MYBL1: variants seen among roughly 807,000 people sequenced by gnomAD.
MYBL1 encodes MYB proto-oncogene like 1.
MYBL1 carries 17 observed loss-of-function variants against 96.3 expected under a neutral mutation model. The observed-to-expected ratio is 0.18, with a 90% CI of 0.12 to 0.26. The LOEUF (loss-of-function observed/expected upper bound fraction) is 0.26, where lower values mean the gene tolerates loss of function less well. Ranked by LOEUF, MYBL1 falls within the 10% of genes least tolerant of loss-of-function variation. The pLI, the probability that MYBL1 is intolerant of heterozygous loss-of-function variation, is 1.00. For synonymous variants in MYBL1, 282 were observed against 292.7 expected, an observed-to-expected ratio of 0.96 and a Z score of 0.37; for missense variants, 701 against 882.9, an observed-to-expected ratio of 0.79 and a Z score of 2.61.
At chr8:66,572,408 CAA>C in intron 12 of MYBL1, 72 bp downstream of exon 12, 2 of 632,140 alleles carry the variant, frequency 3.2e-6, no homozygotes, top group South Asian at 5.8e-5. Context: ...TGTTAAAAAT[CAA>C]AGTGATAAAA....
At position 66,595,632 on chromosome 8, in the gene MYBL1, G is replaced by T. The variant is rs1433017008; in HGVS notation, c.638C>A (p.Ala213Glu). ...SSSKLQHKPCAAMDHMQTQNQ... is the reference protein window; with the variant it reads ...SSSKLQHKPCEAMDHMQTQNQ... ...CTGGGTTTGCATATGATCCATAGCT[G>T]CACAAGGTTTGTGTTGAAGTTTAGA... Residue 213 changes from alanine to glutamate, a missense_variant, in exon 6 of 16, where the codon GCA becomes GAA. This residue lies in a region of MYBL1 where 396 missense variants were observed against 407.4 expected (regional missense o/e 0.97). Coordinates refer to ENST00000522677, the MANE Select transcript of MYBL1 (RefSeq NM_001080416.4). 5 of 1,593,854 alleles carry T rather than the reference G, an allele frequency of 3.1e-6. No homozygotes were observed. The highest frequency in any genetic ancestry group is 4.3e-6 in the Non-Finnish European group (5 of 1,169,132).
chr8:66,572,440 TA>T, intron 12 of MYBL1, 41 bp downstream of exon 12: 2 of 996,850 alleles, frequency 2.0e-6, no homozygotes, highest in East Asian at 2.7e-5. Context: ...TGTGTTTTAT[TA>T]AAATTAGGAA....
chr8:66,597,863 A>AC (rs1165091532), intron 4 of MYBL1, among the ~76,000 whole-genome samples: 2 of 150,746 alleles, frequency 1.3e-5, no homozygotes, highest in Non-Finnish European at 3.0e-5. Flanking sequence ...AAAAAAAAAA[A>AC]AAAAAAAAAA....
At chr8:66,601,318 AAGC>A (rs1449515364) in intron 3 of MYBL1, among the ~76,000 whole-genome samples, 1 of 152,136 alleles carries the variant, frequency 6.6e-6, no homozygotes, top group Admixed American at 6.5e-5. Flanking sequence ...TTTAAAAGGT[AAGC>A]CTCAGATGAT....
At chr8:66,590,914 A>G (rs1809612769) in intron 8 of MYBL1, among the ~76,000 whole-genome samples, 1 of 152,202 alleles carries the variant, frequency 6.6e-6, no homozygotes, top group South Asian at 2.1e-4. Flanking sequence ...AAGCAGGGAT[A>G]TTCAATGTTC....
At chr8:66,585,998 C>T (rs1373602140) in intron 8 of MYBL1, among the ~76,000 whole-genome samples, 2 of 145,978 alleles carry the variant, frequency 1.4e-5, no homozygotes, top group South Asian at 4.3e-4. Context: ...AAATCAACAA[C>T]AAAAAATACT....
At chr8:66,594,072 G>A (rs1193793602) in intron 6 of MYBL1, among the ~76,000 whole-genome samples, 1 of 151,930 alleles carries the variant, frequency 6.6e-6, no homozygotes, top group Non-Finnish European at 1.5e-5. Flanking sequence ...GAAGGTTGAG[G>A]CTGCAGCGAG....
intron 11 of MYBL1, 126 bp downstream of exon 11, chr8:66,573,237 CA>C: frequency 4.1e-5 from 40 of 977,918 alleles, no homozygotes; most frequent in Middle Eastern, 3.6e-4. Context: ...CAAAACAAAA[CA>C]AAAAAAATTC....
intron 1 of MYBL1, among the ~76,000 whole-genome samples, chr8:66,608,370 T>C (rs942921403): frequency 6.6e-6 from 1 of 152,166 alleles, no homozygotes; most frequent in African/African-American, 2.4e-5. Context: ...GTAGAATTCT[T>C]AGAATTATCT....
Position 66,580,360 on chromosome 8 carries a change from C to T in MYBL1, c.874G>A (p.Gly292Arg), listed in dbSNP as rs1225192482. 2 of 1,597,700 alleles carry T rather than the reference C, an allele frequency of 1.3e-6. No homozygotes were observed. Among genetic ancestry groups the T allele is most frequent in the Admixed American group, 1.7e-5 (1 of 59,430 alleles). Reference sequence around the variant, plus strand: ...CTACCAGACCAGCTAGAAAAACTTCCAGGCTGCTAAAGGTACAAAAGAAAT... The same window carrying T: ...CTACCAGACCAGCTAGAAAAACTTCTAGGCTGCTAAAGGTACAAAAGAAAT... ...VRRKRIPSQP[G>R]SFSSWSGSFL... is the part of the protein sequence containing the mutation. Residue 292 changes from glycine to arginine, a missense_variant, in exon 9 of 16, where the codon GGA (glycine) becomes AGA (arginine). By Grantham distance (125) the Gly-to-Arg change is moderately radical. Coordinates refer to ENST00000522677, the MANE Select transcript of MYBL1 (RefSeq NM_001080416.4).
chr8:66,599,203 G>A (rs1447937464), intron 3 of MYBL1, 61 bp from the exon 4 acceptor site: 36 of 1,112,880 alleles, frequency 3.2e-5, no homozygotes, highest in East Asian at 8.1e-5. Context: ...AAGTCAGCCC[G>A]AATTTATGTC....
intron 6 of MYBL1, among the ~76,000 whole-genome samples, chr8:66,595,094 CA>C (rs1416521186): frequency 1.3e-5 from 2 of 152,072 alleles, no homozygotes; most frequent in African/African-American, 4.8e-5. Context: ...ATCATCTAAA[CA>C]AAGACTAAAA....
chr8:66,588,490 G>C (rs1809510041), intron 8 of MYBL1, among the ~76,000 whole-genome samples: 1 of 151,958 alleles, frequency 6.6e-6, no homozygotes, highest in African/African-American at 2.4e-5. Flanking sequence ...ATGTTGCCCA[G>C]GCTGGTCTCG....
rs113967127 is a variant in MYBL1, at chr8:66,588,343, G to A, written c.867+4097C>T. ...CGTCCAGGCTGGAATGCACTAGCCC[G>A]ATCTCAGCTCACTGCAAACTCCACC... is the stretch of plus-strand genomic sequence containing the variant. On this transcript the variant is annotated intron_variant, in intron 8 of 15. Coordinates refer to ENST00000522677, the MANE Select transcript of MYBL1 (RefSeq NM_001080416.4). Among the ~76,000 whole-genome samples the A allele has an allele frequency of 8.1e-3, 1,178 of 145,084 alleles. 15 individuals are homozygous for A. The highest frequency in any genetic ancestry group is 0.027 in the African/African-American group (1,069 of 38,910).
At chr8:66,573,923 G>T (rs1270377519) in intron 10 of MYBL1, among the ~76,000 whole-genome samples, 1 of 152,094 alleles carries the variant, frequency 6.6e-6, no homozygotes, top group Non-Finnish European at 1.5e-5. Flanking sequence ...ATGACCTTAA[G>T]TGGCTTTTTC....
intron 10 of MYBL1, 54 bp from the exon 11 acceptor site, chr8:66,573,560 C>T (rs1586557506): frequency 7.1e-7 from 1 of 1,413,492 alleles, no homozygotes. Context: ...AATCCCTACA[C>T]AAATATTAAA....
In MYBL1 at chr8:66,576,225, T is replaced by C. The variant is rs1808938772; in HGVS notation, c.1252A>G (p.Lys418Glu). The C allele has an allele frequency of 6.2e-7, 1 of 1,613,998 alleles. No individual in the cohort carries two copies. Among genetic ancestry groups the C allele is most frequent in the African/African-American group, 1.3e-5 (1 of 75,036 alleles). ...TTGCCACCATTACAAGTGTTTTTTT[T>C]CCCTTCAAGTACAAGACTGACGTTA... is the stretch of plus-strand genomic sequence containing the variant. ...QFNVSLVLEG[K>E]KNTCNGGNSE... The change falls in exon 10 of 16, where the codon AAA becomes GAA. Residue 418 changes from lysine (K) to glutamate (E), a missense_variant. Transcript: ENST00000522677.
At chr8:66,587,728 C>T (rs1468378570) in intron 8 of MYBL1, among the ~76,000 whole-genome samples, 1 of 152,128 alleles carries the variant, frequency 6.6e-6, no homozygotes, top group Non-Finnish European at 1.5e-5. Flanking sequence ...TGAAAATGTT[C>T]TATATTTCCA....
rs926799370 is a variant in MYBL1, at chr8:66,601,703, G to A, written c.193C>T (p.Leu65Phe). The A allele has an allele frequency of 6.7e-7, 1 of 1,491,486 alleles. No individual in the cohort carries two copies. Among genetic ancestry groups the A allele is most frequent in the Non-Finnish European group, 9.1e-7 (1 of 1,099,088 alleles). 92.4% of individuals were successfully genotyped at this position (1,491,486 alleles called of 1,614,324 possible). Residue 65 changes from leucine to phenylalanine, a missense_variant, in exon 3 of 16, where the codon CTT becomes TTT. Physicochemically the swap from Leu to Phe is conservative, Grantham distance 22. Transcript: ENST00000522677. ...TAATTTAATATTTCACTTACTTGAAGATGACTAGCAATTAGAGTCCAATCA... is the reference window on the plus strand; with the variant it reads ...TAATTTAATATTTCACTTACTTGAAAATGACTAGCAATTAGAGTCCAATCA... ...TDDWTLIASHLQNRSDFQCQH... is the reference protein window; with the variant it reads ...TDDWTLIASHFQNRSDFQCQH...
Sources: allele counts gnomAD v4.1 joint callset (sites outside exome capture counted in the v4.1 genomes callset), GRCh38; gene constraint gnomAD v4.1.1; regional missense constraint gnomAD v4.1.1; transcripts MANE v1.5; gene names NCBI Gene and HGNC (gene_info 2026-07-23, HGNC 2026-07-21).